The following ODAD2 variants were observed in gnomAD, a reference collection of about 807,000 sequenced individuals.
The protein encoded by ODAD2 is outer dynein arm docking complex subunit 2, also known as outer dynein arm-docking complex subunit 2.
ODAD2 carries 89 observed loss-of-function variants against 106.8 expected under a neutral mutation model. The observed-to-expected ratio is 0.83, with a 90% CI of 0.70 to 0.99. The LOEUF (loss-of-function observed/expected upper bound fraction) is 0.99. ODAD2 is among the 50% of genes least tolerant of loss of function. The probability of loss-of-function intolerance (pLI) is 0.00; values close to 1 mark genes in which losing one functional copy is unlikely to be tolerated. For synonymous variants in ODAD2, 404 were observed against 436.2 expected, an observed-to-expected ratio of 0.93 and a Z score of 0.92; for missense variants, 1,168 against 1,238.5, an observed-to-expected ratio of 0.94 and a Z score of 0.85.
chr10:27,966,668 C>T (rs1222419189), intron 9 of ODAD2, among the ~76,000 whole-genome samples: 1 of 152,182 alleles, frequency 6.6e-6, no homozygotes, highest in Non-Finnish European at 1.5e-5. Flanking sequence ...TCCACTTAGG[C>T]AAGATGTGAC....
intron 17 of ODAD2, among the ~76,000 whole-genome samples, chr10:27,872,967 C>T (rs1007187888): frequency 6.6e-6 from 1 of 152,196 alleles, no homozygotes; most frequent in Admixed American, 6.5e-5. Context: ...TAGCATTCGG[C>T]TATGAATCCC....
intron 16 of ODAD2, among the ~76,000 whole-genome samples, chr10:27,925,368 A>T (rs1590040107): frequency 6.6e-6 from 1 of 152,294 alleles, no homozygotes; most frequent in East Asian, 1.9e-4. Flanking sequence ...TTTTTAAAAA[A>T]TGTTTTTGAG....
rs7896548 is a variant in ODAD2, at chr10:27,953,098, C to T, written c.1387-8136G>A. On this transcript the variant is annotated intron_variant, in intron 10 of 19. Coordinates refer to ENST00000305242, the MANE Select transcript of ODAD2 (RefSeq NM_018076.5). ...TCCAACACCTGTGCAATCATTACTA[C>T]GATGAAAGTAATAAATATATCCATC... 3.5e-3 allele frequency among the ~76,000 whole-genome samples: 540 copies of T among 152,206 alleles called. 6 individuals carry two copies. Among genetic ancestry groups the T allele is most frequent in the African/African-American group, 0.012 (501 of 41,522 alleles).
At chr10:27,893,909 G>A (rs1458118919) in intron 17 of ODAD2, among the ~76,000 whole-genome samples, 2 of 152,140 alleles carry the variant, frequency 1.3e-5, no homozygotes, top group Non-Finnish European at 2.9e-5. Flanking sequence ...CAGTGCTTTG[G>A]GAGGCCGAGG....
intron 16 of ODAD2, among the ~76,000 whole-genome samples, chr10:27,924,670 T>C (rs895204893): frequency 1.0e-5 from 1 of 98,070 alleles, no homozygotes; most frequent in Non-Finnish European, 2.2e-5. Context: ...TACAAAAATT[T>C]AAAATGACAA....
At chr10:27,976,658 A>G (rs1014640561) in intron 7 of ODAD2, among the ~76,000 whole-genome samples, 1 of 152,186 alleles carries the variant, frequency 6.6e-6, no homozygotes, top group Non-Finnish European at 1.5e-5. Context: ...TATTGTTAAG[A>G]TGTCCATTTT....
intron 17 of ODAD2, among the ~76,000 whole-genome samples, chr10:27,871,116 C>T (rs191024170): frequency 1.4e-4 from 21 of 152,308 alleles, no homozygotes; most frequent in African/African-American, 4.8e-4. Context: ...TGATGATGAG[C>T]ATTTTTTCGT....
intron 16 of ODAD2, among the ~76,000 whole-genome samples, chr10:27,925,826 C>A (rs1302720563): frequency 2.0e-5 from 3 of 151,826 alleles, no homozygotes; most frequent in Admixed American, 2.0e-4. Flanking sequence ...CAAGAAGGTA[C>A]TAGGGAATTA....
At chr10:27,820,429 A>G (rs184424273) in intron 19 of ODAD2, among the ~76,000 whole-genome samples, 58 of 152,066 alleles carry the variant, frequency 3.8e-4, no homozygotes, top group Non-Finnish European at 5.9e-4. Context: ...GTGAGTGTCA[A>G]GCATATGAGT....
chr10:27,929,657 G>A (rs937641414), intron 16 of ODAD2, among the ~76,000 whole-genome samples: 2 of 152,060 alleles, frequency 1.3e-5, no homozygotes, highest in African/African-American at 2.4e-5. Flanking sequence ...GTATGCTTAC[G>A]AATATGATAT....
intron 17 of ODAD2, among the ~76,000 whole-genome samples, chr10:27,867,248 T>G (rs1840507310): frequency 6.6e-6 from 1 of 152,030 alleles, no homozygotes; most frequent in Non-Finnish European, 1.5e-5. Context: ...GGCCATGAAG[T>G]TCTCACTGGA....
intron 6 of ODAD2, 43 bp from the exon 7 acceptor site, chr10:27,981,625 C>A: frequency 7.5e-7 from 1 of 1,326,374 alleles, no homozygotes; most frequent in Non-Finnish European, 1.0e-6. Context: ...AACATAAGAA[C>A]AATTGTAAGA....
intron 19 of ODAD2, among the ~76,000 whole-genome samples, chr10:27,835,447 C>T (rs528693133): frequency 1.3e-5 from 2 of 152,220 alleles, no homozygotes; most frequent in South Asian, 2.1e-4. Flanking sequence ...TCAGATACAC[C>T]CACTGTGAGG....
At chr10:27,869,991 T>A (rs1840740645) in intron 17 of ODAD2, among the ~76,000 whole-genome samples, 1 of 152,006 alleles carries the variant, frequency 6.6e-6, no homozygotes, top group Non-Finnish European at 1.5e-5. Flanking sequence ...ACCTTCAAAG[T>A]AAAATATATA....
At chr10:27,875,255 T>G (rs976505128) in intron 17 of ODAD2, among the ~76,000 whole-genome samples, 5 of 152,204 alleles carry the variant, frequency 3.3e-5, no homozygotes, top group African/African-American at 1.2e-4. Context: ...TAGCCCTTCA[T>G]CTAATCTTTT....
At chr10:27,923,274 G>A (rs1382385204) in intron 16 of ODAD2, among the ~76,000 whole-genome samples, 1 of 152,086 alleles carries the variant, frequency 6.6e-6, no homozygotes, top group Non-Finnish European at 1.5e-5. Flanking sequence ...CTAAAACAAT[G>A]TGATTCAGAA....
chr10:27,957,204 G>T (rs1241852842), intron 10 of ODAD2: 1 of 152,182 alleles, frequency 6.6e-6, no homozygotes, highest in African/African-American at 2.4e-5. Context: ...AAGAAAGACG[G>T]CAGGAAAAGG....
At chr10:27,983,734 C>A in intron 6 of ODAD2, 109 bp downstream of exon 6, 1 of 1,104,392 alleles carries the variant, frequency 9.1e-7, no homozygotes, top group East Asian at 2.6e-5. Flanking sequence ...GCTTCTATCC[C>A]ACAGAATGGT....
At chr10:27,845,007 A>G (rs1036602214) in intron 19 of ODAD2, among the ~76,000 whole-genome samples, 1 of 152,220 alleles carries the variant, frequency 6.6e-6, no homozygotes. Flanking sequence ...TGGATATTTT[A>G]GAAGTCAGCT....
Sources: allele counts gnomAD v4.1 joint callset (sites outside exome capture counted in the v4.1 genomes callset), GRCh38; gene constraint gnomAD v4.1.1; transcripts MANE v1.5; gene names NCBI Gene and HGNC (gene_info 2026-07-23, HGNC 2026-07-21).